Variants in IQCJ observed in about 807,000 individuals in gnomAD.
The protein encoded by IQCJ is IQ motif containing J, also known as IQ domain-containing protein J.
IQCJ carries 9 observed loss-of-function variants against 11.0 expected under a neutral mutation model. The observed-to-expected ratio is 0.82, with a 90% CI of 0.49 to 1.43. The LOEUF is 1.43. Among genes scored for constraint, IQCJ ranks in the 40% most tolerant of loss-of-function variants. The pLI is 0.00. For synonymous variants in IQCJ, 55 were observed against 51.3 expected (o/e 1.07, Z -0.31); for missense variants, 146 against 133.2 (o/e 1.10, Z -0.47).
At chr3:159,069,593 G>A in intron 1 of IQCJ, 152 bp downstream of exon 1, 1 of 1,073,252 alleles carries the variant, frequency 9.3e-7, no homozygotes, top group Non-Finnish European at 1.3e-6. Context: ...ATTGGTCTAG[G>A]TGCGTGTGCA....
chr3:159,169,005 C>A (rs1339596951), intron 1 of IQCJ, among the ~76,000 whole-genome samples: 2 of 142,078 alleles, frequency 1.4e-5, no homozygotes, highest in Non-Finnish European at 3.1e-5. Flanking sequence ...ATGATAAATA[C>A]CTGCTATTTA....
At chr3:159,131,659 T>TAAGG (rs1719997924) in intron 1 of IQCJ, among the ~76,000 whole-genome samples, 1 of 152,128 alleles carries the variant, frequency 6.6e-6, no homozygotes, top group Non-Finnish European at 1.5e-5. Context: ...CACCATCCCT[T>TAAGG]ACTAGTTCAC....
chr3:159,083,293 G>T (rs1445786557), intron 1 of IQCJ, among the ~76,000 whole-genome samples: 4 of 152,024 alleles, frequency 2.6e-5, no homozygotes, highest in Non-Finnish European at 5.9e-5. Context: ...TTGGAAATTG[G>T]ACAAAATACA....
chr3:159,137,734 C>T (rs1390514371), intron 1 of IQCJ, among the ~76,000 whole-genome samples: 1 of 152,172 alleles, frequency 6.6e-6, no homozygotes, highest in African/African-American at 2.4e-5. Flanking sequence ...ATTCTAGCAT[C>T]AGTAACAAAT....
chr3:159,182,859 A>ATTTTTATTTTTTTATTTTTTTTTTC (rs1723181452), intron 1 of IQCJ, among the ~76,000 whole-genome samples: 1 of 150,868 alleles, frequency 6.6e-6, no homozygotes, highest in African/African-American at 2.5e-5. Context: ...GTCAATCTTT[A>ATTTTTATTTTTTTATTTTTTTTTTC]ACTACCAGGC....
intron 1 of IQCJ, among the ~76,000 whole-genome samples, chr3:159,120,787 TC>T (rs1181227304): frequency 6.6e-6 from 1 of 152,226 alleles, no homozygotes; most frequent in African/African-American, 2.4e-5. Context: ...TTTTCTTATG[TC>T]ATAAGGAGTA....
intron 1 of IQCJ, among the ~76,000 whole-genome samples, chr3:159,152,406 A>G (rs1721281671): frequency 6.6e-6 from 1 of 152,036 alleles, no homozygotes; most frequent in South Asian, 2.1e-4. Flanking sequence ...CTTTCATGGC[A>G]TGAGGGAGGT....
intron 1 of IQCJ, among the ~76,000 whole-genome samples, chr3:159,127,536 G>A (rs1559995651): frequency 6.6e-6 from 1 of 152,144 alleles, no homozygotes; most frequent in Non-Finnish European, 1.5e-5. Flanking sequence ...ATCTATTTGT[G>A]TTTCAAGAGT....
chr3:159,152,726 C>G (rs1002218868), intron 1 of IQCJ, among the ~76,000 whole-genome samples: 11 of 152,196 alleles, frequency 7.2e-5, no homozygotes, highest in African/African-American at 2.7e-4. Flanking sequence ...GCTCCTATCT[C>G]TAACTCACAT....
At chr3:159,237,398 G>A (rs561457377) in intron 1 of IQCJ, among the ~76,000 whole-genome samples, 1 of 152,228 alleles carries the variant, frequency 6.6e-6, no homozygotes, top group Non-Finnish European at 1.5e-5. Context: ...GTCTGTGACA[G>A]AAGAAAAGAC....
intron 1 of IQCJ, among the ~76,000 whole-genome samples, chr3:159,236,273 A>AT (rs1437763727): frequency 5.9e-5 from 9 of 151,800 alleles, no homozygotes; most frequent in Non-Finnish European, 1.0e-4. Context: ...CTTTTGAAAA[A>AT]AAAAAAAAAA....
chr3:159,124,831 A>G (rs563217473), intron 1 of IQCJ, among the ~76,000 whole-genome samples: 2 of 152,328 alleles, frequency 1.3e-5, no homozygotes, highest in African/African-American at 4.8e-5. Context: ...CAAAGAAGAT[A>G]GTATATAAGG....
At chr3:159,106,591 C>G (rs1289698052) in intron 1 of IQCJ, among the ~76,000 whole-genome samples, 1 of 152,008 alleles carries the variant, frequency 6.6e-6, no homozygotes, top group Non-Finnish European at 1.5e-5. Context: ...CACTGAACAC[C>G]AAATGTTTGG....
intron 1 of IQCJ, among the ~76,000 whole-genome samples, chr3:159,184,288 C>A (rs1723264059): frequency 6.6e-6 from 1 of 152,106 alleles, no homozygotes; most frequent in African/African-American, 2.4e-5. Flanking sequence ...AACACTCTTT[C>A]TCCAGATCTT....
chr3:159,079,616 A>C (rs1396924809), intron 1 of IQCJ, among the ~76,000 whole-genome samples: 7 of 152,142 alleles, frequency 4.6e-5, no homozygotes, highest in South Asian at 2.1e-4. Flanking sequence ...GAAACTTTAA[A>C]AAATAAATAT....
intron 1 of IQCJ, among the ~76,000 whole-genome samples, chr3:159,221,835 A>C (rs73877563): frequency 0.012 from 1,814 of 152,162 alleles, 31 homozygotes; most frequent in African/African-American, 0.042. Context: ...AAAAAAAAAG[A>C]AAGAAATTGT....
intron 1 of IQCJ, among the ~76,000 whole-genome samples, chr3:159,173,845 C>G (rs1312800686): frequency 6.6e-6 from 1 of 152,028 alleles, no homozygotes. Flanking sequence ...TGTTGCATGT[C>G]TTTTTCCATC....
chr3:159,093,989 A>G (rs1198734786), intron 1 of IQCJ, among the ~76,000 whole-genome samples: 3 of 151,864 alleles, frequency 2.0e-5, no homozygotes, highest in African/African-American at 7.3e-5. Context: ...GACAAATCAT[A>G]TCAGCCAGTA....
At chr3:159,196,970 C>T (rs762223817) in intron 1 of IQCJ, among the ~76,000 whole-genome samples, 3 of 151,962 alleles carry the variant, frequency 2.0e-5, no homozygotes, top group Non-Finnish European at 2.9e-5. Flanking sequence ...TTCTGTGTCC[C>T]ACCCACCCCC....
Sources: allele counts gnomAD v4.1 joint callset (sites outside exome capture counted in the v4.1 genomes callset), GRCh38; gene constraint gnomAD v4.1.1; transcripts MANE v1.5; gene names NCBI Gene and HGNC (gene_info 2026-07-23, HGNC 2026-07-21).